The following ATXN2L variants were observed in gnomAD, a reference collection of about 807,000 sequenced individuals.
The protein encoded by ATXN2L is ataxin-2-like protein.
Under a neutral mutation model 120.7 loss-of-function variants are expected in ATXN2L, and 24 were observed. That is an observed-to-expected ratio of 0.20 (90% CI 0.14 to 0.28). The LOEUF is 0.28. Ranked by LOEUF, ATXN2L falls within the 10% of genes least tolerant of loss-of-function variation. The probability of loss-of-function intolerance (pLI) is 1.00; values close to 1 mark genes in which losing one functional copy is unlikely to be tolerated. For synonymous variants in ATXN2L, 653 were observed against 568.1 expected (o/e 1.15, Z -2.13); for missense variants, 1,312 against 1,432.3 (o/e 0.92, Z 1.36).
chr16:28,834,151 G>T lies in ATXN2L; in HGVS notation c.2112G>T (p.Gly704=), dbSNP rs1465558889. ...CGGTGCTGACAGCAGGCCAGAGTGG[G>T]CTATACAGCCCCCAGTACATCTCCT... The part of the protein sequence containing the change: ...SIPVLTAGQS[G]LYSPQYISYI... The change falls in exon 16 of 22, where the codon GGG becomes GGT. Residue 704 remains glycine, a synonymous_variant. Coordinates refer to ENST00000336783, the MANE Select transcript of ATXN2L (RefSeq NM_007245.4). 3.7e-6 allele frequency: 6 copies of T among 1,614,020 alleles called. No individual in the cohort carries two copies. The highest frequency in any genetic ancestry group is 5.1e-6 in the Non-Finnish European group (6 of 1,180,020).
At chr16:28,835,230 G>A (rs1202949093) in intron 19 of ATXN2L, 43 bp downstream of exon 19, 3 of 1,610,366 alleles carry the variant, frequency 1.9e-6, no homozygotes, top group East Asian at 2.2e-5. Flanking sequence ...CTGTGTGCCA[G>A]CCCCCTCTGG....
At chr16:28,825,294 A>G (rs1596856250) in intron 1 of ATXN2L, 72 bp from the exon 2 acceptor site, 1 of 1,410,858 alleles carries the variant, frequency 7.1e-7, no homozygotes, top group Non-Finnish European at 1.0e-6. Flanking sequence ...TACTTCTAGG[A>G]TTTAACATTA....
rs1475702655 is a variant in ATXN2L at position 28,830,754 on chromosome 16, C to G, written c.1174C>G (p.Pro392Ala). The change falls in exon 9 of 22, where the codon CCT (proline) becomes GCT (alanine). Residue 392 changes from proline (P) to alanine (A), a missense_variant. Coordinates refer to ENST00000336783, the MANE Select transcript of ATXN2L (RefSeq NM_007245.4). The stretch of plus-strand genomic sequence containing the variant: ...CCCTCACCATCTGGACAACAGCAGC[C>G]CTGGCCCAGGTTCTGAGGCCCGTGG... ...RGPHHLDNSS[P>A]GPGSEARGIN... 1.2e-6 allele frequency: 2 copies of G among 1,611,198 alleles called. No homozygotes were observed. Among genetic ancestry groups the G allele is most frequent in the Non-Finnish European group, 1.7e-6 (2 of 1,179,028 alleles).
rs141936417 is a variant in ATXN2L at position 28,833,352 on chromosome 16, T to G, written c.1953T>G (p.Ala651=). 717 of 1,613,172 alleles carry G rather than the reference T, an allele frequency of 4.4e-4. 1 individual carries two copies. The highest frequency in any genetic ancestry group is 1.7e-3 in the Middle Eastern group (10 of 6,060). The change falls in exon 14 of 22, where the codon GCT becomes GCG. Residue 651 remains alanine, a splice_region_variant and synonymous_variant. Coordinates refer to ENST00000336783, the MANE Select transcript of ATXN2L (RefSeq NM_007245.4). Reference sequence around the variant, plus strand: ...AAGACAAAGATGAGGGCCCTGTTGCTGAGTGAGTGGAGCGGGGTGGGGCTC... The same window carrying G: ...AAGACAAAGATGAGGGCCCTGTTGCGGAGTGAGTGGAGCGGGGTGGGGCTC... ...KGEDKDEGPV[A]EQVKKSTLNP... is the part of the protein sequence containing the mutation.
At chr16:28,825,734 C>T (rs1008612353) in intron 3 of ATXN2L, 36 bp from the exon 4 acceptor site, 7 of 1,613,166 alleles carry the variant, frequency 4.3e-6, no homozygotes, top group African/African-American at 2.7e-5. Flanking sequence ...CATCTACTTT[C>T]TGGAGACACT....
chr16:28,829,383 A>G lies in ATXN2L; in HGVS notation c.742-18A>G, dbSNP rs190627116. 2.0e-4 allele frequency: 323 copies of G among 1,584,860 alleles called. No individual in the cohort carries two copies. Among genetic ancestry groups the G allele is most frequent in the Non-Finnish European group, 2.6e-4 (295 of 1,153,556 alleles). On this transcript the variant is annotated intron_variant, in intron 6 of 21. Coordinates refer to ENST00000336783, the MANE Select transcript of ATXN2L (RefSeq NM_007245.4). Reference sequence around the variant, plus strand: ...GCTTTTCCTGCTGGGTTTTAAAACCACCTTCCTCCCTCCCCAGTCCAATGG... The same window carrying G: ...GCTTTTCCTGCTGGGTTTTAAAACCGCCTTCCTCCCTCCCCAGTCCAATGG...
At chr16:28,833,822 T>G (rs1427505919) in intron 15 of ATXN2L, 1 of 626,740 alleles carries the variant, frequency 1.6e-6, no homozygotes, top group African/African-American at 1.8e-5. Context: ...AGAGGCCAGC[T>G]GACTTGGCTT....
chr16:28,833,192 C>T lies in ATXN2L; in HGVS notation c.1793C>T (p.Ser598Phe). The change falls in exon 14 of 22, where the codon TCC (serine) becomes TTC (phenylalanine). Residue 598 changes from serine (S) to phenylalanine (F), a missense_variant. Coordinates refer to ENST00000336783, the MANE Select transcript of ATXN2L (RefSeq NM_007245.4). ...GAGCCCATGGGGTCTCCCGTCTCCT[C>T]CAAGACAGAGTCCGTATCGGATAAG... is the stretch of plus-strand genomic sequence containing the variant. ...TSEPMGSPVS[S>F]KTESVSDKED... 1 of 1,614,200 alleles carries T rather than the reference C, an allele frequency of 6.2e-7. No homozygotes were observed.
rs148399856 is a variant in ATXN2L, at chr16:28,828,253, A to G, written c.742-1148A>G. ...TTAGGTCTTATGACTTTTCAGGTTTACTAGTTATTGATAATTTCTGCTGCA... is the reference window on the plus strand; with the variant it reads ...TTAGGTCTTATGACTTTTCAGGTTTGCTAGTTATTGATAATTTCTGCTGCA... On this transcript the variant is annotated intron_variant, in intron 6 of 21. Coordinates refer to ENST00000336783, the MANE Select transcript of ATXN2L (RefSeq NM_007245.4). Among the ~76,000 whole-genome samples, 177 of 152,266 alleles carry G rather than the reference A, an allele frequency of 1.2e-3. 2 individuals are homozygous for G. Among genetic ancestry groups the G allele is most frequent in the African/African-American group, 4.1e-3 (172 of 41,548 alleles).
intron 18 of ATXN2L, 91 bp downstream of exon 18, chr16:28,834,784 AG>A (rs1959439479): frequency 4.2e-6 from 6 of 1,441,738 alleles, no homozygotes; most frequent in Admixed American, 4.5e-5. Context: ...TAGGGGTGGC[AG>A]GCAGTGTTGT....
chr16:28,836,865 G>T lies in ATXN2L; in HGVS notation c.*600G>T. The T allele has an allele frequency of 7.1e-7, 1 of 1,406,088 alleles. No homozygotes were observed. Among genetic ancestry groups the T allele is most frequent in the Non-Finnish European group, 9.9e-7 (1 of 1,006,272 alleles). 87.1% of individuals were successfully genotyped at this position (1,406,088 alleles called of 1,614,324 possible). On this transcript the variant is annotated 3_prime_UTR_variant, in exon 22 of 22. Transcript: ENST00000336783. The stretch of plus-strand genomic sequence containing the variant: ...CCCCCAGCAGCTCGGACCACTCCCA[G>T]CCCCCCATCCCCCCGTTCCCCAGGG...
rs148341202 is a variant in ATXN2L at position 28,835,965 on chromosome 16, G to A, written c.2928G>A (p.Pro976=). ...TCCAAACTGGAATCACAGCAGCCCC[G>A]CCCCCTCACCCTGGGGCTCCCCACC... is the stretch of plus-strand genomic sequence containing the variant. The part of the protein sequence containing the change: ...AHVQTGITAA[P]PPHPGAPHPP... The change falls in exon 22 of 22, where the codon CCG becomes CCA. Residue 976 remains proline (P), a synonymous_variant. Transcript: ENST00000336783. The A allele has an allele frequency of 3.5e-5, 54 of 1,540,898 alleles. No homozygotes were observed. Among genetic ancestry groups the A allele is most frequent in the East Asian group, 3.4e-4 (15 of 44,194 alleles).
intron 1 of ATXN2L, chr16:28,824,418 C>A (rs755491656): frequency 2.7e-5 from 34 of 1,281,274 alleles, no homozygotes; most frequent in African/African-American, 1.5e-4. Flanking sequence ...CGAGGCCTCC[C>A]GGTGGATGGC....
Position 28,823,433 on chromosome 16 carries a change from C to T in ATXN2L, c.174C>T (p.Cys58=). Residue 58 remains cysteine (C), a synonymous_variant, in exon 1 of 22, where the codon TGC becomes TGT. Transcript: ENST00000336783. ...GGCCTCCAGCGGCCGCCTCCCCCTG[C>T]CTGGGGCCTGTGGCCGCTGCCGGGA... ...PPGPPAAASP[C]LGPVAAAGSG... 1 of 1,318,908 alleles carries T rather than the reference C, an allele frequency of 7.6e-7. No individual in the cohort carries two copies. The highest frequency in any genetic ancestry group is 9.6e-7 in the Non-Finnish European group (1 of 1,040,128). The allele number at this position is 1,318,908 out of a possible 1,614,324, so 81.7% of individuals were successfully genotyped here.
At position 28,835,954 on chromosome 16, in the gene ATXN2L, ACAG is replaced by A; in HGVS notation, c.2922_2924del (p.Ala975del). On this transcript the variant is annotated inframe_deletion, in exon 22 of 22. Coordinates refer to ENST00000336783, the MANE Select transcript of ATXN2L (RefSeq NM_007245.4). The stretch of plus-strand genomic sequence containing the variant: ...ACAGGCCCATGTCCAAACTGGAATC[ACAG>A]CAGCCCCGCCCCCTCACCCTGGGGC... 6.5e-7 allele frequency: 1 copy of A among 1,539,386 alleles called. No homozygotes were observed. The highest frequency in any genetic ancestry group is 8.7e-7 in the Non-Finnish European group (1 of 1,143,648).
chr16:28,825,923 G>A (rs1462720171), intron 4 of ATXN2L, 82 bp downstream of exon 4: 6 of 1,325,382 alleles, frequency 4.5e-6, no homozygotes, highest in Non-Finnish European at 5.4e-6. Context: ...TGTCAATTGG[G>A]TGATGTCAGA....
chr16:28,829,383 ACCTT>A lies in ATXN2L; in HGVS notation c.742-14_742-11del. 6.3e-7 allele frequency: 1 copy of A among 1,584,854 alleles called. No homozygotes were observed. Among genetic ancestry groups the A allele is most frequent in the Non-Finnish European group, 8.7e-7 (1 of 1,153,550 alleles). ...GCTTTTCCTGCTGGGTTTTAAAACC[ACCTT>A]CCTCCCTCCCCAGTCCAATGGATGG... On this transcript the variant is annotated splice_polypyrimidine_tract_variant and intron_variant, in intron 6 of 21. Coordinates refer to ENST00000336783, the MANE Select transcript of ATXN2L (RefSeq NM_007245.4).
chr16:28,833,289 C>T lies in ATXN2L; in HGVS notation c.1890C>T (p.Ser630=). The T allele has an allele frequency of 1.2e-6, 2 of 1,614,156 alleles. No homozygotes were observed. The highest frequency in any genetic ancestry group is 1.7e-6 in the Non-Finnish European group (2 of 1,180,012). Reference sequence around the variant, plus strand: ...AGCAGCCCCCACCACCTTGTCCAAGCCAAACTGGCAGCCCCCCGGTGGGCC... The same window carrying T: ...AGCAGCCCCCACCACCTTGTCCAAGTCAAACTGGCAGCCCCCCGGTGGGCC... ...GPEQPPPPCP[S]QTGSPPVGLI... is the part of the protein sequence containing the mutation. The change falls in exon 14 of 22, where the codon AGC becomes AGT. Residue 630 remains serine, a synonymous_variant. Transcript: ENST00000336783.
At position 28,827,110 on chromosome 16, in the gene ATXN2L, TAGAA is replaced by T. The variant is rs1183584914; in HGVS notation, c.741+127_741+130del. The T allele has an allele frequency of 5.9e-6, 6 of 1,013,648 alleles. No homozygotes were observed. In the South Asian group the frequency reaches 1.5e-4, roughly 26 times the overall value. 62.8% of individuals were successfully genotyped at this position (1,013,648 alleles called of 1,614,324 possible). A position where few individuals can be genotyped will look rare whatever the true frequency, so the allele number is the denominator to read the frequency against. Reference sequence around the variant, plus strand: ...CCATTGATGGTAGTCAGATAACAAATAGAAAGGTATAGAAAATAGCAAAGTAAAA... The same window carrying T: ...CCATTGATGGTAGTCAGATAACAAATAGGTATAGAAAATAGCAAAGTAAAA... On this transcript the variant is annotated intron_variant, in intron 6 of 21. Transcript: ENST00000336783.
Sources: allele counts gnomAD v4.1 joint callset (sites outside exome capture counted in the v4.1 genomes callset), GRCh38; gene constraint gnomAD v4.1.1; transcripts MANE v1.5; gene names NCBI Gene and HGNC (gene_info 2026-07-23, HGNC 2026-07-21).